RNF220: variants seen among roughly 807,000 people sequenced by gnomAD.
RNF220 encodes the protein ring finger protein 220.
A neutral mutation model predicts 67.1 loss-of-function variants in RNF220; 7 were observed. The ratio of observed to expected loss-of-function variants is 0.10; its 90% CI spans 0.06 to 0.20. RNF220 has a LOEUF of 0.20. Ranked by LOEUF, RNF220 falls within the 10% of genes least tolerant of loss-of-function variation. The pLI is 1.00. For missense variants in RNF220, 565 were observed against 740.3 expected (o/e 0.76, Z 2.75); for synonymous variants, 270 against 283.2 (o/e 0.95, Z 0.47).
At chr1:44,444,960 T>G (rs113003560) in intron 2 of RNF220, among the ~76,000 whole-genome samples, 5 of 152,270 alleles carry the variant, frequency 3.3e-5, no homozygotes, top group African/African-American at 1.2e-4. Context: ...TCCCAAGAGG[T>G]TCTACCAATT....
intron 2 of RNF220, among the ~76,000 whole-genome samples, chr1:44,447,185 C>T (rs1208754250): frequency 2.0e-5 from 3 of 152,136 alleles, no homozygotes; most frequent in South Asian, 4.1e-4. Flanking sequence ...ATATGTACAG[C>T]AGTATATTTT....
intron 1 of RNF220, among the ~76,000 whole-genome samples, chr1:44,410,888 C>T (rs913215650): frequency 2.0e-5 from 3 of 152,086 alleles, no homozygotes; most frequent in Admixed American, 1.3e-4. Context: ...TTCTCCCAGC[C>T]CCCACTCAAA....
chr1:44,625,922 C>T lies in RNF220; in HGVS notation c.805-375C>T, dbSNP rs142168559. On this transcript the variant is annotated intron_variant, in intron 4 of 14. Transcript: ENST00000361799. ...GCCATCAGCCTGTATTAAGGGCAGG[C>T]GGGGTAGCGGGTATATGGCTTTACC... is the stretch of plus-strand genomic sequence containing the variant. 1.7e-3 allele frequency among the ~76,000 whole-genome samples: 264 copies of T among 152,158 alleles called. 2 individuals are homozygous for T. Among genetic ancestry groups the T allele is most frequent in the Middle Eastern group, 6.8e-3 (2 of 294 alleles).
intron 2 of RNF220, among the ~76,000 whole-genome samples, chr1:44,427,817 C>T (rs1051188233): frequency 3.3e-5 from 5 of 152,258 alleles, no homozygotes; most frequent in Admixed American, 1.3e-4. Flanking sequence ...GGAACAGTGC[C>T]TCGCACAAAG....
chr1:44,584,308 A>G (rs1665535310), intron 2 of RNF220, among the ~76,000 whole-genome samples: 1 of 152,238 alleles, frequency 6.6e-6, no homozygotes, highest in Non-Finnish European at 1.5e-5. Flanking sequence ...GGGTCAAGCT[A>G]GTCCAACCCT....
At chr1:44,418,285 C>A (rs541896342) in intron 2 of RNF220, among the ~76,000 whole-genome samples, 2 of 152,078 alleles carry the variant, frequency 1.3e-5, no homozygotes, top group African/African-American at 4.8e-5. Flanking sequence ...GGGAGCAGGG[C>A]GCGTGGAGGA....
At chr1:44,582,604 A>G (rs189422202) in intron 2 of RNF220, among the ~76,000 whole-genome samples, 80 of 151,966 alleles carry the variant, frequency 5.3e-4, no homozygotes, top group African/African-American at 1.9e-3. Flanking sequence ...TAAAAATACA[A>G]AAATTAGCTG....
intron 2 of RNF220, among the ~76,000 whole-genome samples, chr1:44,485,941 A>G (rs1372491189): frequency 6.6e-6 from 1 of 152,242 alleles, no homozygotes; most frequent in South Asian, 2.1e-4. Flanking sequence ...CAAGGCTGTG[A>G]TAAGTCAGGA....
chr1:44,493,977 C>T (rs1557979703), intron 2 of RNF220, among the ~76,000 whole-genome samples: 1 of 152,008 alleles, frequency 6.6e-6, no homozygotes, highest in Non-Finnish European at 1.5e-5. Flanking sequence ...GAGGCCAAGG[C>T]TGGTGGATGA....
At position 44,518,038 on chromosome 1, in the gene RNF220, C is replaced by T. The variant is rs150879024; in HGVS notation, c.626-96127C>T. The stretch of plus-strand genomic sequence containing the variant: ...AGGAGAATCACTTGAACCCGGGAGG[C>T]GGAGGTTGCATTGAGTGGAGATCGT... On this transcript the variant is annotated intron_variant, in intron 2 of 14. Coordinates refer to ENST00000361799, the MANE Select transcript of RNF220 (RefSeq NM_018150.4). Among the ~76,000 whole-genome samples the T allele has an allele frequency of 7.6e-3, 1,159 of 152,220 alleles. 9 individuals carry two copies. Among genetic ancestry groups the T allele is most frequent in the South Asian group, 0.032 (153 of 4,816 alleles).
intron 2 of RNF220, among the ~76,000 whole-genome samples, chr1:44,562,728 CCTCGAGGG>C (rs546076177): frequency 3.7e-4 from 57 of 152,236 alleles, no homozygotes; most frequent in Non-Finnish European, 7.4e-4. Context: ...CCCTGTATGC[CCTCGAGGG>C]CTCTTTGGAA....
At chr1:44,583,578 C>T (rs1057035651) in intron 2 of RNF220, among the ~76,000 whole-genome samples, 3 of 152,166 alleles carry the variant, frequency 2.0e-5, no homozygotes, top group Non-Finnish European at 2.9e-5. Flanking sequence ...AAAATGTGGT[C>T]ATTACTGGAT....
chr1:44,404,905 T>C (rs902503083), upstream of RNF220, among the ~76,000 whole-genome samples: 3 of 152,172 alleles, frequency 2.0e-5, no homozygotes, highest in Admixed American at 2.0e-4. Context: ...TCTTCAAGCT[T>C]TGCCCATTTA....
At chr1:44,500,162 C>T (rs1039181541) in intron 2 of RNF220, among the ~76,000 whole-genome samples, 5 of 152,214 alleles carry the variant, frequency 3.3e-5, no homozygotes, top group African/African-American at 1.2e-4. Context: ...AAGTAAGATC[C>T]AAACCTCTCT....
At chr1:44,515,759 C>T (rs1292766249) in intron 2 of RNF220, among the ~76,000 whole-genome samples, 3 of 152,172 alleles carry the variant, frequency 2.0e-5, no homozygotes, top group Non-Finnish European at 2.9e-5. Flanking sequence ...GTAGATGCTC[C>T]AAGAGTCTAG....
chr1:44,435,970 G>A (rs1209687446), intron 2 of RNF220, among the ~76,000 whole-genome samples: 1 of 152,066 alleles, frequency 6.6e-6, no homozygotes, highest in Non-Finnish European at 1.5e-5. Flanking sequence ...CCTTTGGATA[G>A]GTTAGGGTTA....
intron 2 of RNF220, among the ~76,000 whole-genome samples, chr1:44,517,766 G>C (rs1407453325): frequency 6.6e-6 from 1 of 152,176 alleles, no homozygotes; most frequent in Non-Finnish European, 1.5e-5. Flanking sequence ...TGTTAAAAAG[G>C]AATATTAAAT....
intron 2 of RNF220, among the ~76,000 whole-genome samples, chr1:44,424,544 G>C (rs1047695857): frequency 3.9e-5 from 6 of 152,174 alleles, no homozygotes; most frequent in African/African-American, 1.4e-4. Context: ...GGGGAGTGAG[G>C]ACTAGTGGGG....
At chr1:44,639,313 C>T (rs904384322) in intron 8 of RNF220, among the ~76,000 whole-genome samples, 5 of 152,226 alleles carry the variant, frequency 3.3e-5, no homozygotes, top group Admixed American at 1.3e-4. Context: ...ACCATGGTCC[C>T]TCCTGTGTGT....
Sources: allele counts gnomAD v4.1 joint callset (sites outside exome capture counted in the v4.1 genomes callset), GRCh38; gene constraint gnomAD v4.1.1; transcripts MANE v1.5; gene names NCBI Gene and HGNC (gene_info 2026-07-23, HGNC 2026-07-21).